Variants in TYW1B observed in about 807,000 individuals in gnomAD.
The protein encoded by TYW1B is S-adenosyl-L-methionine-dependent tRNA 4-demethylwyosine synthase TYW1B.
TYW1B carries 73 observed loss-of-function variants against 86.9 expected under a neutral mutation model. The ratio of observed to expected loss-of-function variants is 0.84; its 90% CI spans 0.70 to 1.02. TYW1B has a LOEUF of 1.02. TYW1B is among the 50% of genes least tolerant of loss of function. TYW1B has a pLI of 0.00. For missense variants in TYW1B, 637 were observed against 827.4 expected (o/e 0.77, Z 2.82); for synonymous variants, 248 against 292.8 (o/e 0.85, Z 1.56).
At chr7:72,704,582 C>G (rs1382981611) in intron 10 of TYW1B, among the ~76,000 whole-genome samples, 3 of 143,400 alleles carry the variant, frequency 2.1e-5, no homozygotes, top group Non-Finnish European at 4.5e-5. Context: ...GACCCTGTCT[C>G]TGAAGAAAAA....
Position 72,678,619 on chromosome 7 carries a change from C to CTTTT in TYW1B, c.1506+16064_1506+16067dup, listed in dbSNP as rs56738372. 8.8e-3 allele frequency among the ~76,000 whole-genome samples: 972 copies of CTTTT among 110,158 alleles called. 5 individuals carry two copies. The highest frequency in any genetic ancestry group is 0.015 in the Middle Eastern group (2 of 134). 72.3% of individuals were successfully genotyped at this position (110,158 alleles called of 152,430 possible). The stretch of plus-strand genomic sequence containing the variant: ...GTGGCTCACACCTGTAATTCCAGCA[C>CTTTT]TTTTTTTTTTTTTTTTTTTTTTTGA... On this transcript the variant is annotated intron_variant, in intron 11 of 13. Coordinates refer to ENST00000620995, the MANE Select transcript of TYW1B (RefSeq NM_001145440.3).
intron 11 of TYW1B, among the ~76,000 whole-genome samples, chr7:72,666,679 CTATTT>C (rs1813469891): frequency 1.3e-5 from 2 of 152,098 alleles, no homozygotes; most frequent in Admixed American, 1.3e-4. Flanking sequence ...ATATTTCACA[CTATTT>C]TAATTGGGAA....
chr7:72,662,118 C>G (rs1267111763), intron 11 of TYW1B, among the ~76,000 whole-genome samples: 36 of 152,192 alleles, frequency 2.4e-4, no homozygotes, highest in African/African-American at 8.0e-4. Flanking sequence ...GACCTACAAC[C>G]TGGGAATTCT....
intron 13 of TYW1B, among the ~76,000 whole-genome samples, chr7:72,609,784 C>T (rs1198521649): frequency 1.3e-5 from 2 of 151,966 alleles, no homozygotes; most frequent in African/African-American, 4.8e-5. Flanking sequence ...AATAGAGAGG[C>T]CATGACTGGA....
intron 13 of TYW1B, among the ~76,000 whole-genome samples, chr7:72,589,615 G>A (rs1554431065): frequency 6.6e-6 from 1 of 152,182 alleles, no homozygotes; most frequent in African/African-American, 2.4e-5. Context: ...GGTGGCTCAC[G>A]CCTGTAATCC....
intron 3 of TYW1B, among the ~76,000 whole-genome samples, chr7:72,811,855 T>A (rs1386882417): frequency 6.9e-6 from 1 of 144,436 alleles, no homozygotes; most frequent in Admixed American, 7.3e-5. Flanking sequence ...GAGGCTGCAG[T>A]GGGCCACAAT....
chr7:72,790,127 T>A (rs1201103755), intron 6 of TYW1B, among the ~76,000 whole-genome samples: 3 of 151,506 alleles, frequency 2.0e-5, no homozygotes, highest in Non-Finnish European at 4.4e-5. Flanking sequence ...TTTTTTTTTT[T>A]ATTTAGTAGA....
At chr7:72,763,517 T>G (rs1554467662) in intron 7 of TYW1B, among the ~76,000 whole-genome samples, 1 of 151,812 alleles carries the variant, frequency 6.6e-6, no homozygotes. Context: ...CTCCTGACCT[T>G]GTGATCCACC....
At position 72,744,565 on chromosome 7, in the gene TYW1B, T is replaced by C. The variant is rs1787362847; in HGVS notation, c.1001A>G (p.His334Arg). 1 of 1,613,660 alleles carries C rather than the reference T, an allele frequency of 6.2e-7. No homozygotes were observed. Among genetic ancestry groups the C allele is most frequent in the Non-Finnish European group, 8.5e-7 (1 of 1,179,658 alleles). ...APRERSLLQT[H>R]ILWNESHRCM... ...GCGATGGCTCTCATTCCATAGAATGTGTGTTTGTAACAAGCTCCTCTCCCT... is the reference window on the plus strand; with the variant it reads ...GCGATGGCTCTCATTCCATAGAATGCGTGTTTGTAACAAGCTCCTCTCCCT... The change falls in exon 8 of 14, where the codon CAC becomes CGC. Residue 334 changes from histidine to arginine, a missense_variant. By Grantham distance (29) the His-to-Arg change is conservative. Transcript: ENST00000620995.
chr7:72,617,806 A>T (rs1321262705), intron 12 of TYW1B, among the ~76,000 whole-genome samples: 2 of 152,222 alleles, frequency 1.3e-5, no homozygotes, highest in African/African-American at 4.8e-5. Flanking sequence ...TATTTCACCA[A>T]CACAGAAATT....
intron 10 of TYW1B, among the ~76,000 whole-genome samples, chr7:72,708,300 GA>G (rs1182557069): frequency 5.3e-5 from 8 of 151,094 alleles, no homozygotes; most frequent in African/African-American, 1.2e-4. Context: ...CAGTTACTTA[GA>G]AAAAAAAATT....
intron 10 of TYW1B, among the ~76,000 whole-genome samples, chr7:72,711,776 T>C (rs13233788): frequency 6.6e-6 from 1 of 151,862 alleles, no homozygotes; most frequent in Non-Finnish European, 1.5e-5. Context: ...CGTGAGTCAC[T>C]GCGCCCTGCC....
chr7:72,740,378 T>TGACA (rs566607513), intron 8 of TYW1B, among the ~76,000 whole-genome samples: 124 of 145,984 alleles, frequency 8.5e-4, no homozygotes, highest in African/African-American at 3.0e-3. Flanking sequence ...ACAGCCTGGG[T>TGACA]GACAGAGCAA....
chr7:72,579,350 C>G (rs1260151448), intron 13 of TYW1B, among the ~76,000 whole-genome samples: 1 of 152,226 alleles, frequency 6.6e-6, no homozygotes, highest in Non-Finnish European at 1.5e-5. Context: ...TGATAACTGA[C>G]TGCTCTGATT....
At chr7:72,576,277 G>A (rs1279198494) in intron 13 of TYW1B, among the ~76,000 whole-genome samples, 1 of 152,018 alleles carries the variant, frequency 6.6e-6, no homozygotes, top group Non-Finnish European at 1.5e-5. Context: ...CAGTAAGAGG[G>A]GATAATCCAA....
At chr7:72,791,151 CAT>C (rs1788210897) in intron 6 of TYW1B, among the ~76,000 whole-genome samples, 2 of 152,226 alleles carry the variant, frequency 1.3e-5, no homozygotes, top group Admixed American at 1.3e-4. Flanking sequence ...CGTCTGTAAA[CAT>C]GTTTTTATAA....
chr7:72,805,928 G>A (rs1788485745), intron 5 of TYW1B, among the ~76,000 whole-genome samples: 1 of 152,108 alleles, frequency 6.6e-6, no homozygotes, highest in African/African-American at 2.4e-5. Flanking sequence ...GAAGATGACA[G>A]GAGTGTTACA....
chr7:72,728,997 T>C (rs1416517133), intron 8 of TYW1B, 66 bp from the exon 9 acceptor site: 24 of 1,457,996 alleles, frequency 1.6e-5, no homozygotes, highest in Admixed American at 4.1e-5. Flanking sequence ...TCATTTATGA[T>C]GAAGTCGTCC....
chr7:72,682,216 CAA>C (rs879949041), intron 11 of TYW1B, among the ~76,000 whole-genome samples: 3 of 134,812 alleles, frequency 2.2e-5, no homozygotes, highest in African/African-American at 5.5e-5. Flanking sequence ...ACTCTGTTAA[CAA>C]AAAAAAAAAA....
Sources: allele counts gnomAD v4.1 joint callset (sites outside exome capture counted in the v4.1 genomes callset), GRCh38; gene constraint gnomAD v4.1.1; transcripts MANE v1.5; gene names NCBI Gene and HGNC (gene_info 2026-07-23, HGNC 2026-07-21).